ASH1L: variants seen among roughly 807,000 people sequenced by gnomAD.
ASH1L encodes ASH1 like histone lysine methyltransferase, also known as histone-lysine N-methyltransferase ASH1L.
A neutral mutation model predicts 269.0 loss-of-function variants in ASH1L; 23 were observed. The ratio of observed to expected loss-of-function variants is 0.09; its 90% confidence interval spans 0.06 to 0.12. ASH1L has a LOEUF of 0.12. ASH1L is among the 10% of genes least tolerant of loss of function. The pLI is 1.00. For missense variants in ASH1L, 2,912 were observed against 3,567.8 expected (o/e 0.82, Z 4.68); for synonymous variants, 1,187 against 1,253.5 (o/e 0.95, Z 1.12).
intron 12 of ASH1L, among the ~76,000 whole-genome samples, chr1:155,369,358 A>G (rs556107906): frequency 1.9e-3 from 296 of 152,038 alleles, no homozygotes; most frequent in African/African-American, 6.9e-3. Flanking sequence ...GAGGCAGGAG[A>G]GTGGCATGAA....
At position 155,562,535 on chromosome 1, in the gene ASH1L, C is replaced by T. The variant is rs765048110; in HGVS notation, c.-482G>A. 5 of 1,524,692 alleles carry T rather than the reference C, an allele frequency of 3.3e-6. No individual in the cohort carries two copies. The South Asian group carries it at 3.6e-5, about 11-fold the overall frequency. The allele number at this position is 1,524,692 out of a possible 1,614,324, so 94.4% of individuals were successfully genotyped here. A position where few individuals can be genotyped will look rare whatever the true frequency, so the allele number is the denominator to read the frequency against. On this transcript the variant is annotated 5_prime_UTR_variant, in exon 1 of 28. Coordinates refer to ENST00000392403, the MANE Select transcript of ASH1L (RefSeq NM_018489.3). Reference sequence around the variant, plus strand: ...CGCCCCCCTCAACCTTCCACTCCTTCCTCCTTGCGTTCTTTCCCACCGTCC... The same window carrying T: ...CGCCCCCCTCAACCTTCCACTCCTTTCTCCTTGCGTTCTTTCCCACCGTCC...
At chr1:155,352,632 C>G in intron 17 of ASH1L, 74 bp downstream of exon 17, 1 of 1,432,422 alleles carries the variant, frequency 7.0e-7, no homozygotes, top group Non-Finnish European at 9.3e-7. Flanking sequence ...TAGCAAGACC[C>G]TATCTCTATT....
At chr1:155,520,743 T>C (rs1439909826) in intron 2 of ASH1L, among the ~76,000 whole-genome samples, 4 of 151,968 alleles carry the variant, frequency 2.6e-5, no homozygotes, top group Non-Finnish European at 5.9e-5. Flanking sequence ...GTGCCTGTAA[T>C]CCCAGGTACT....
chr1:155,546,680 C>T (rs1670848246), intron 1 of ASH1L, among the ~76,000 whole-genome samples: 1 of 151,760 alleles, frequency 6.6e-6, no homozygotes, highest in Non-Finnish European at 1.5e-5. Flanking sequence ...ATCACTTGAA[C>T]TCGGGGGGCA....
At chr1:155,397,324 CTGT>C (rs1658443965) in intron 6 of ASH1L, among the ~76,000 whole-genome samples, 1 of 151,742 alleles carries the variant, frequency 6.6e-6, no homozygotes, top group African/African-American at 2.4e-5. Context: ...TGATAAAACC[CTGT>C]CTCTACTAAA....
At position 155,521,507 on chromosome 1, in the gene ASH1L, T is replaced by C; in HGVS notation, c.13A>G (p.Asn5Asp). 6.2e-7 allele frequency: 1 copy of C among 1,610,656 alleles called. No homozygotes were observed. Among genetic ancestry groups the C allele is most frequent in the Non-Finnish European group, 8.5e-7 (1 of 1,178,442 alleles). Residue 5 changes from asparagine (N) to aspartate (D), a missense_variant, in exon 2 of 28, where the codon AAT becomes GAT. Asn to Asp is a conservative substitution (Grantham distance 23). Transcript: ENST00000392403. ...GAACCCAATCCTAACATAGCAGTAT[T>C]TCTAGGGTCCATCACAAGCGTATGT... MDPRNTAMLGLGSDS... is the reference protein window; with the variant it reads MDPRDTAMLGLGSDS...
intron 21 of ASH1L, among the ~76,000 whole-genome samples, chr1:155,345,043 G>A (rs1042052882): frequency 6.6e-6 from 1 of 151,824 alleles, no homozygotes; most frequent in South Asian, 2.1e-4. Context: ...TGCAACTTCC[G>A]CCTCCAGATT....
At chr1:155,483,715 A>G (rs749403845) in intron 2 of ASH1L, among the ~76,000 whole-genome samples, 21 of 144,436 alleles carry the variant, frequency 1.5e-4, no homozygotes, top group Non-Finnish European at 2.4e-4. Context: ...TTTTAATATA[A>G]AAAAAAAAAA....
At chr1:155,340,217 T>C (rs905900221) in intron 25 of ASH1L, among the ~76,000 whole-genome samples, 5 of 152,218 alleles carry the variant, frequency 3.3e-5, no homozygotes, top group African/African-American at 1.2e-4. Context: ...GAGAGTCTTG[T>C]CCTGTTGCCA....
chr1:155,436,019 C>T (rs1208124251), intron 5 of ASH1L, among the ~76,000 whole-genome samples: 1 of 151,812 alleles, frequency 6.6e-6, no homozygotes, highest in Admixed American at 6.6e-5. Context: ...CCATTGCACT[C>T]CAGGCTGGGT....
intron 6 of ASH1L, among the ~76,000 whole-genome samples, chr1:155,412,116 C>T (rs1659859842): frequency 1.3e-5 from 2 of 151,948 alleles, no homozygotes; most frequent in Non-Finnish European, 2.9e-5. Flanking sequence ...GCGGTGTGTG[C>T]CTGTAGTCCC....
intron 1 of ASH1L, among the ~76,000 whole-genome samples, chr1:155,552,968 G>A (rs528818797): frequency 9.9e-5 from 15 of 152,044 alleles, no homozygotes; most frequent in African/African-American, 2.7e-4. Flanking sequence ...CGTAGAATCC[G>A]CCAACTCTAT....
intron 6 of ASH1L, 120 bp downstream of exon 6, chr1:155,415,623 GC>G: frequency 8.5e-7 from 1 of 1,174,636 alleles, no homozygotes; most frequent in South Asian, 1.4e-5. Flanking sequence ...ATACATGAGT[GC>G]AAAAACACAA....
rs1652469873 is a variant in ASH1L, at chr1:155,338,139, C to T, written c.8753G>A (p.Arg2918Gln). ...PEERRHNQRE[R>Q]LNQILLNLLE... ...GAGATTGAGCAAGATCTGGTTGAGT[C>T]GTTCCCGTTGGTTATGCCGTCGTTC... The change falls in exon 27 of 28, where the codon CGA (arginine) becomes CAA (glutamine). Residue 2918 changes from arginine (R) to glutamine (Q), a missense_variant. Transcript: ENST00000392403. 5 of 1,614,084 alleles carry T rather than the reference C, an allele frequency of 3.1e-6. No homozygotes were observed. The highest frequency in any genetic ancestry group is 4.2e-6 in the Non-Finnish European group (5 of 1,180,020).
Position 155,424,474 on chromosome 1 carries a change from C to T in ASH1L, c.5829-8551G>A, listed in dbSNP as rs559322376. On this transcript the variant is annotated intron_variant, in intron 5 of 27. Transcript: ENST00000392403. The stretch of plus-strand genomic sequence containing the variant: ...CCACGCTGGAGTGAGATGGTGCGAT[C>T]TCGGCTCACTGCAACCTCCGCCTCC... Among the ~76,000 whole-genome samples the T allele has an allele frequency of 1.4e-4, 21 of 151,648 alleles. No individual in the cohort carries two copies. The East Asian group carries it at 3.7e-3, about 27-fold the overall frequency.
chr1:155,546,945 CTTTTTTTT>C (rs71080709), intron 1 of ASH1L, among the ~76,000 whole-genome samples: 3 of 88,196 alleles, frequency 3.4e-5, no homozygotes, highest in South Asian at 3.5e-4. Context: ...TCATCACATT[CTTTTTTTT>C]TTTTTTTTTT....
chr1:155,494,706 T>C (rs1334254499), intron 2 of ASH1L, among the ~76,000 whole-genome samples: 2 of 152,180 alleles, frequency 1.3e-5, no homozygotes, highest in African/African-American at 4.8e-5. Flanking sequence ...GAGTTTAGTT[T>C]GAGACATGTT....
chr1:155,450,679 G>A (rs920606007), intron 4 of ASH1L, among the ~76,000 whole-genome samples: 10 of 152,148 alleles, frequency 6.6e-5, no homozygotes, highest in Non-Finnish European at 2.9e-5. Flanking sequence ...CCATATAATC[G>A]AGGAATTCCA....
At chr1:155,382,917 C>T (rs911909255) in intron 7 of ASH1L, among the ~76,000 whole-genome samples, 5 of 152,102 alleles carry the variant, frequency 3.3e-5, no homozygotes, top group African/African-American at 9.7e-5. Context: ...TAGACAGGGT[C>T]TTGCCATGTT....
Sources: gnomAD v4.1 joint callset for allele counts (sites outside exome capture counted in the v4.1 genomes callset) on GRCh38, gnomAD v4.1.1 for gene constraint, MANE v1.5 for transcripts, NCBI Gene and HGNC (gene_info 2026-07-23, HGNC 2026-07-21) for gene names.